The following FUT8 variants were observed in gnomAD, a reference collection of about 807,000 sequenced individuals.
The protein encoded by FUT8 is alpha-(1,6)-fucosyltransferase.
In FUT8, 29 loss-of-function variants were observed where a neutral mutation model predicts 71.3. The observed-to-expected ratio is 0.41, with a 90% CI of 0.30 to 0.55. The LOEUF is 0.55. FUT8 is among the 20% of genes least tolerant of loss of function. The pLI, the probability that FUT8 is intolerant of heterozygous loss-of-function variation, is 0.34. For synonymous variants in FUT8, 254 were observed against 239.3 expected (o/e 1.06, Z -0.57); for missense variants, 544 against 702.1 (o/e 0.77, Z 2.55).
At chr14:65,614,494 C>T (rs1179171763) in intron 3 of FUT8, among the ~76,000 whole-genome samples, 1 of 152,118 alleles carries the variant, frequency 6.6e-6, no homozygotes, top group East Asian at 1.9e-4. Context: ...GTTTTGGAGG[C>T]CAGAGATCTG....
In FUT8 at chr14:65,743,182, T is replaced by C. The variant is rs1372040282; in HGVS notation, c.*772T>C. The stretch of plus-strand genomic sequence containing the variant: ...TAGAATTTTATATCATTGGATGATA[T>C]GTTGATCAGCCTTATGTGGAAGAAC... On this transcript the variant is annotated 3_prime_UTR_variant, in exon 11 of 11. Transcript: ENST00000673929. The C allele has an allele frequency of 1.3e-5, 2 of 152,332 alleles. No individual in the cohort carries two copies. Among genetic ancestry groups the C allele is most frequent in the Non-Finnish European group, 2.9e-5 (2 of 67,902 alleles). The allele number at this position is 152,332 out of a possible 1,614,324, so 9.4% of individuals were successfully genotyped here. A position where few individuals can be genotyped will look rare whatever the true frequency, so the allele number is the denominator to read the frequency against.
chr14:65,655,003 C>T (rs745937039), intron 6 of FUT8, among the ~76,000 whole-genome samples: 2 of 151,790 alleles, frequency 1.3e-5, no homozygotes, highest in African/African-American at 2.4e-5. Flanking sequence ...CCGCCCACCT[C>T]GGCCTCCCAA....
intron 2 of FUT8, among the ~76,000 whole-genome samples, chr14:65,490,296 G>A (rs1033442166): frequency 5.3e-5 from 8 of 152,102 alleles, no homozygotes; most frequent in African/African-American, 1.9e-4. Context: ...ATGATTACAT[G>A]TGACTTTTAA....
At chr14:65,548,551 A>T (rs1215969888) in intron 2 of FUT8, among the ~76,000 whole-genome samples, 39 of 151,848 alleles carry the variant, frequency 2.6e-4, no homozygotes, top group Admixed American at 2.5e-3. Flanking sequence ...TTTGAGATTA[A>T]TTTTTTGTGG....
intron 10 of FUT8, among the ~76,000 whole-genome samples, chr14:65,740,552 C>G (rs910974214): frequency 6.6e-6 from 1 of 151,958 alleles, no homozygotes; most frequent in South Asian, 2.1e-4. Flanking sequence ...GTTTAACTGG[C>G]TCATGGTTCT....
intron 1 of FUT8, among the ~76,000 whole-genome samples, chr14:65,432,993 G>A (rs562261210): frequency 1.3e-4 from 20 of 151,980 alleles, no homozygotes; most frequent in African/African-American, 4.3e-4. Context: ...ATTCTTTCTT[G>A]TGTGAAATCC....
intron 1 of FUT8, among the ~76,000 whole-genome samples, chr14:65,425,001 G>A (rs972151498): frequency 3.3e-5 from 5 of 151,740 alleles, no homozygotes; most frequent in African/African-American, 1.2e-4. Flanking sequence ...GGTTGTCTAT[G>A]AATATTTTCA....
chr14:65,683,520 CA>C (rs1318157866), intron 7 of FUT8, among the ~76,000 whole-genome samples: 9 of 151,864 alleles, frequency 5.9e-5, no homozygotes, highest in Admixed American at 1.3e-4. Context: ...TAAACAGTGC[CA>C]AAAATATAAT....
intron 2 of FUT8, among the ~76,000 whole-genome samples, chr14:65,498,552 G>A (rs1473517265): frequency 6.6e-6 from 1 of 152,040 alleles, no homozygotes; most frequent in Non-Finnish European, 1.5e-5. Context: ...AAATATGTTA[G>A]TAATGCTCTG....
intron 6 of FUT8, among the ~76,000 whole-genome samples, chr14:65,654,455 G>A (rs905681904): frequency 2.0e-5 from 3 of 152,062 alleles, no homozygotes; most frequent in Non-Finnish European, 4.4e-5. Flanking sequence ...GGGCATGGTG[G>A]CATGTGCCTG....
intron 2 of FUT8, among the ~76,000 whole-genome samples, chr14:65,514,598 G>A (rs1403193253): frequency 6.6e-6 from 1 of 151,880 alleles, no homozygotes; most frequent in Non-Finnish European, 1.5e-5. Context: ...AGCTAGTAGT[G>A]GTTTGAGGAC....
the FUT8 span, among the ~76,000 whole-genome samples, chr14:65,386,066 C>A: frequency 6.6e-6 from 1 of 151,592 alleles, no homozygotes; most frequent in Non-Finnish European, 1.5e-5. Flanking sequence ...GTGGGAGAAT[C>A]GCTTGAGCCC....
At chr14:65,730,671 CA>C (rs538472134) in intron 9 of FUT8, among the ~76,000 whole-genome samples, 15 of 146,442 alleles carry the variant, frequency 1.0e-4, no homozygotes, top group Non-Finnish European at 1.5e-4. Context: ...GACTCAATCT[CA>C]AAAAAAAAAA....
rs371608943 is a variant in FUT8, at chr14:65,626,966, A to G, written c.483-2526A>G. On this transcript the variant is annotated intron_variant, in intron 5 of 10. Coordinates refer to ENST00000673929, the MANE Select transcript of FUT8 (RefSeq NM_001371533.1). ...TATTCCCCAAACCTGTCTACCATCA[A>G]ACTGGATTTGTAAAAGATAAAAATT... Among the ~76,000 whole-genome samples the G allele has an allele frequency of 1.2e-4, 19 of 152,298 alleles. 3 individuals carry two copies. Among genetic ancestry groups the G allele is most frequent in the African/African-American group, 4.3e-4 (18 of 41,560 alleles).
chr14:65,369,483 T>C, the FUT8 span, among the ~76,000 whole-genome samples: 1 of 152,060 alleles, frequency 6.6e-6, no homozygotes, highest in South Asian at 2.1e-4. This position sits in a 1 kb window ranked among gnomAD's most constrained non-coding sequence, Gnocchi z 4.6. Flanking sequence ...CATTCTAAGT[T>C]CCAGAAGGAG....
chr14:65,411,634 T>C (rs1377210702), upstream of FUT8: 1 of 180,816 alleles, frequency 5.5e-6, no homozygotes, highest in Admixed American at 5.4e-5. Context: ...TTGGGATAAG[T>C]ATCCCCGGTA....
the FUT8 span, among the ~76,000 whole-genome samples, chr14:65,358,627 G>A: frequency 6.6e-6 from 1 of 151,990 alleles, no homozygotes; most frequent in African/African-American, 2.4e-5. Context: ...TGTGGTTTTG[G>A]TAGAGATGGA....
chr14:65,456,798 G>A (rs927110062), intron 2 of FUT8, among the ~76,000 whole-genome samples: 4 of 148,564 alleles, frequency 2.7e-5, no homozygotes, highest in Admixed American at 1.3e-4. Flanking sequence ...GCTTGAACCC[G>A]GGAGGCAGAG....
rs1229945776 is a variant in FUT8 at position 65,669,049 on chromosome 14, G to A, written c.598-194G>A. Among the ~76,000 whole-genome samples, 1 of 151,834 alleles carries A rather than the reference G, an allele frequency of 6.6e-6. No homozygotes were observed. Among genetic ancestry groups the A allele is most frequent in the Non-Finnish European group, 1.5e-5 (1 of 67,964 alleles). ...ACTTGAGGGTGAAAGGTGGGAGGAG[G>A]GTGAAGATCAAAAAGCTGCATATCA... is the stretch of plus-strand genomic sequence containing the variant. On this transcript the variant is annotated intron_variant, in intron 6 of 10. Transcript: ENST00000673929. The surrounding 1 kb of genome is among the most constrained non-coding windows in gnomAD (Gnocchi z 4.5).
Sources: allele counts gnomAD v4.1 joint callset (sites outside exome capture counted in the v4.1 genomes callset), GRCh38; gene constraint gnomAD v4.1.1; non-coding constraint Gnocchi (gnomAD v3.1); transcripts MANE v1.5; gene names NCBI Gene and HGNC (gene_info 2026-07-23, HGNC 2026-07-21).